Variants in NPAS3 observed in about 807,000 individuals in gnomAD.
NPAS3 encodes the protein neuronal PAS domain-containing protein 3.
Under a neutral mutation model 73.1 loss-of-function variants are expected in NPAS3, and 14 were observed. The observed-to-expected ratio is 0.19, with a 90% CI of 0.13 to 0.30. NPAS3 has a LOEUF of 0.30. Ranked by LOEUF, NPAS3 falls within the 10% of genes least tolerant of loss-of-function variation. The pLI is 1.00. For synonymous variants in NPAS3, 620 were observed against 541.5 expected (o/e 1.14, Z -2.01); for missense variants, 1,096 against 1,250.0 (o/e 0.88, Z 1.86).
At chr14:33,152,557 T>A (rs1566615129) in intron 2 of NPAS3, among the ~76,000 whole-genome samples, 1 of 152,100 alleles carries the variant, frequency 6.6e-6, no homozygotes, top group Admixed American at 6.6e-5. Flanking sequence ...GAAAAGTAGA[T>A]TTGGAGGGGA....
intron 4 of NPAS3, among the ~76,000 whole-genome samples, chr14:33,520,002 C>A (rs1315531290): frequency 2.6e-5 from 4 of 152,072 alleles, no homozygotes; most frequent in Non-Finnish European, 4.4e-5. Flanking sequence ...AGATCTGAAG[C>A]CTCACCCCCA....
chr14:33,326,837 A>C (rs2140258387), intron 3 of NPAS3, among the ~76,000 whole-genome samples: 1 of 152,332 alleles, frequency 6.6e-6, no homozygotes, highest in Non-Finnish European at 1.5e-5. Flanking sequence ...TTGCAAAGAA[A>C]TGTCGGTAGC....
chr14:33,032,516 A>G (rs1019541067), intron 1 of NPAS3, among the ~76,000 whole-genome samples: 15 of 152,180 alleles, frequency 9.9e-5, no homozygotes, highest in Non-Finnish European at 2.1e-4. Context: ...TCTAACTGCT[A>G]GCATTCTTGC....
At chr14:33,433,965 C>A (rs144803328) in intron 4 of NPAS3, among the ~76,000 whole-genome samples, 316 of 152,070 alleles carry the variant, frequency 2.1e-3, no homozygotes, top group African/African-American at 7.2e-3. Flanking sequence ...CCGAGGTGGG[C>A]GGATCACCTG....
chr14:33,443,698 C>T (rs566713323), intron 4 of NPAS3, among the ~76,000 whole-genome samples: 1 of 152,314 alleles, frequency 6.6e-6, no homozygotes, highest in African/African-American at 2.4e-5. Context: ...CAGGAGGTCA[C>T]GCTGTGACTG....
At chr14:33,454,168 G>C (rs912167452) in intron 4 of NPAS3, among the ~76,000 whole-genome samples, 1 of 152,040 alleles carries the variant, frequency 6.6e-6, no homozygotes, top group Non-Finnish European at 1.5e-5. Flanking sequence ...CAGATGGATT[G>C]TTCTATGTTT....
Position 32,975,896 on chromosome 14 carries a change from T to TGTGTGTGTGA in NPAS3, c.50+36531_50+36532insTGTGTGTGAG, listed in dbSNP as rs374916231. On this transcript the variant is annotated intron_variant, in intron 1 of 11. Coordinates refer to ENST00000356141, the Ensembl canonical transcript of NPAS3. ...GTGTGTGTGTGTGTGTGTGTGTGTG[T>TGTGTGTGTGA]GAGAGAGAGAGAGTTTGCAGACACG... 9.6e-4 allele frequency among the ~76,000 whole-genome samples: 137 copies of TGTGTGTGTGA among 142,296 alleles called. 2 individuals carry two copies. The highest frequency in any genetic ancestry group is 3.4e-3 in the African/African-American group (131 of 38,522). 93.4% of individuals were successfully genotyped at this position (142,296 alleles called of 152,430 possible).
intron 1 of NPAS3, among the ~76,000 whole-genome samples, chr14:32,947,537 C>A (rs1334201054): frequency 6.6e-6 from 1 of 151,840 alleles, no homozygotes; most frequent in Non-Finnish European, 1.5e-5. Flanking sequence ...TTTAATTATA[C>A]AAGATTTTTG....
chr14:33,487,020 A>C (rs1160142223), intron 4 of NPAS3, among the ~76,000 whole-genome samples: 1 of 152,156 alleles, frequency 6.6e-6, no homozygotes, highest in East Asian at 1.9e-4. Context: ...AAGAAAAGTC[A>C]AACTCTCCCC....
At chr14:33,005,123 G>T (rs896994560) in intron 1 of NPAS3, among the ~76,000 whole-genome samples, 2 of 151,918 alleles carry the variant, frequency 1.3e-5, no homozygotes, top group Non-Finnish European at 2.9e-5. Context: ...TATAAGAAAT[G>T]CCTAAACCAG....
In NPAS3 at chr14:33,482,553, A is replaced by G. The variant is rs1408054409; in HGVS notation, c.469-77568A>G. ...ATGACATTTCAGAAGGGGAGTGGAT[A>G]ATAGGGAAGCATAATACTCTAAAAC... On this transcript the variant is annotated intron_variant, in intron 4 of 11. Transcript: ENST00000356141. Among the ~76,000 whole-genome samples the G allele has an allele frequency of 2.0e-5, 3 of 152,242 alleles. No homozygotes were observed. In the East Asian group the frequency reaches 5.8e-4, roughly 29 times the overall value.
At chr14:33,234,634 C>A (rs970208824) in intron 3 of NPAS3, among the ~76,000 whole-genome samples, 4 of 151,938 alleles carry the variant, frequency 2.6e-5, no homozygotes, top group African/African-American at 9.7e-5. Context: ...GTGGCTAGAC[C>A]AGAGCACATT....
At chr14:33,294,178 A>G (rs1485493986) in intron 3 of NPAS3, among the ~76,000 whole-genome samples, 2 of 152,118 alleles carry the variant, frequency 1.3e-5, no homozygotes, top group East Asian at 1.9e-4. Context: ...GCCTAGACGT[A>G]TTACCTTGAA....
chr14:33,592,176 C>T (rs908745806), intron 5 of NPAS3, among the ~76,000 whole-genome samples: 1 of 152,178 alleles, frequency 6.6e-6, no homozygotes, highest in Non-Finnish European at 1.5e-5. Context: ...GTGGCTCAGA[C>T]CATGGACCAC....
chr14:33,152,342 C>T (rs2044478237), intron 2 of NPAS3, among the ~76,000 whole-genome samples: 1 of 152,090 alleles, frequency 6.6e-6, no homozygotes, highest in Admixed American at 6.6e-5. Flanking sequence ...TTTTCTCTTT[C>T]TTCTCCTGTT....
At chr14:32,965,398 T>C (rs963885889) in intron 1 of NPAS3, among the ~76,000 whole-genome samples, 53 of 152,160 alleles carry the variant, frequency 3.5e-4, no homozygotes, top group African/African-American at 1.3e-3. Context: ...GCAAGAATGG[T>C]TCCACATATA....
intron 5 of NPAS3, among the ~76,000 whole-genome samples, chr14:33,562,296 C>A (rs8004760): frequency 0.31 from 46,558 of 152,016 alleles, 7,518 homozygotes; most frequent in African/African-American, 0.41. Context: ...CAGTATCTGG[C>A]AATTTTTGTG....
At chr14:33,029,630 T>C (rs2039923124) in intron 1 of NPAS3, among the ~76,000 whole-genome samples, 1 of 152,242 alleles carries the variant, frequency 6.6e-6, no homozygotes, top group South Asian at 2.1e-4. Context: ...TCCAACACTG[T>C]GGCACATGGT....
chr14:32,971,952 T>C (rs2037445367), intron 1 of NPAS3, among the ~76,000 whole-genome samples: 1 of 149,080 alleles, frequency 6.7e-6, no homozygotes, highest in Non-Finnish European at 1.5e-5. Flanking sequence ...TTTTTTTTTT[T>C]TTTTTGAGAT....
Sources: gnomAD v4.1 joint callset for allele counts (sites outside exome capture counted in the v4.1 genomes callset) on GRCh38, gnomAD v4.1.1 for gene constraint, MANE v1.5 for transcripts, NCBI Gene and HGNC (gene_info 2026-07-23, HGNC 2026-07-21) for gene names.